The following KIAA1217 variants were observed in gnomAD, a reference collection of about 807,000 sequenced individuals.
The protein encoded by KIAA1217 is KIAA1217.
A neutral mutation model predicts 163.9 loss-of-function variants in KIAA1217; 88 were observed. The ratio of observed to expected loss-of-function variants is 0.54; its 90% CI spans 0.45 to 0.64. KIAA1217 has a LOEUF of 0.64. KIAA1217 is among the 30% of genes least tolerant of loss of function. KIAA1217 has a pLI of 0.00. For missense variants in KIAA1217, 2,372 were observed against 2,475.0 expected (o/e 0.96, Z 0.88); for synonymous variants, 903 against 923.1 (o/e 0.98, Z 0.39).
In KIAA1217 at chr10:24,224,397, T is replaced by C. The variant is rs187845231; in HGVS notation, c.354+4488T>C. Among the ~76,000 whole-genome samples the C allele has an allele frequency of 2.6e-4, 39 of 152,176 alleles. No homozygotes were observed. In the East Asian group the frequency reaches 7.5e-3, roughly 29 times the overall value. On this transcript the variant is annotated intron_variant, in intron 2 of 20. Coordinates refer to ENST00000376454, the MANE Select transcript of KIAA1217 (RefSeq NM_019590.5). ...TTCAGTCACCCAGGCTGGAGTGCAG[T>C]GGTGCAATCTTGGCTCACTGCAACC... is the stretch of plus-strand genomic sequence containing the variant.
intron 1 of KIAA1217, among the ~76,000 whole-genome samples, chr10:23,885,496 A>G (rs1023212130): frequency 6.6e-6 from 1 of 151,936 alleles, no homozygotes; most frequent in Non-Finnish European, 1.5e-5. Context: ...TTCGCCTGGG[A>G]GAGTCTTGGA....
At chr10:24,302,180 G>A (rs899243622) in intron 2 of KIAA1217, among the ~76,000 whole-genome samples, 3 of 152,098 alleles carry the variant, frequency 2.0e-5, no homozygotes, top group East Asian at 1.9e-4. Flanking sequence ...AGTTTATATA[G>A]CATTTTCACT....
chr10:23,717,221 T>A (rs949986043), intron 1 of KIAA1217, among the ~76,000 whole-genome samples: 1 of 152,186 alleles, frequency 6.6e-6, no homozygotes, highest in South Asian at 2.1e-4. Flanking sequence ...TACTTGGTTG[T>A]CCCCTGTGCT....
In KIAA1217 at chr10:23,943,520, A is replaced by G. The variant is rs538044010; in HGVS notation, c.-320-63705A>G. On this transcript the variant is annotated intron_variant, in intron 1 of 18. Transcript: ENST00000376462. ...ACCATGCCCCTGGATTAGAAAGTCA[A>G]TATTCTTAAGATGTCATTTCTCCCA... Among the ~76,000 whole-genome samples the G allele has an allele frequency of 1.1e-4, 17 of 152,372 alleles. No homozygotes were observed. In the East Asian group the frequency reaches 3.1e-3, roughly 28 times the overall value.
intron 1 of KIAA1217, 91 bp downstream of exon 1, chr10:24,209,354 G>C: frequency 3.7e-6 from 3 of 802,428 alleles, no homozygotes; most frequent in Non-Finnish European, 1.8e-6. Flanking sequence ...CTGGGACCCG[G>C]CAAAGGAAAA....
intron 2 of KIAA1217, among the ~76,000 whole-genome samples, chr10:24,261,000 A>T (rs1590316060): frequency 6.6e-6 from 1 of 152,212 alleles, no homozygotes; most frequent in Non-Finnish European, 1.5e-5. Context: ...CCTGTTTACA[A>T]GAGACCCAGT....
intron 2 of KIAA1217, chr10:24,157,874 G>A (rs544221683): frequency 5.1e-6 from 3 of 588,844 alleles, no homozygotes; most frequent in African/African-American, 3.8e-5. Flanking sequence ...GCCTGCATTA[G>A]GATCTGAACC....
intron 2 of KIAA1217, among the ~76,000 whole-genome samples, chr10:24,377,285 T>C (rs12217600): frequency 6.6e-6 from 1 of 152,256 alleles, no homozygotes; most frequent in East Asian, 1.9e-4. Context: ...AGAGGGAGAT[T>C]GGTGTCATGG....
chr10:24,397,803 T>A (rs2056011247), intron 3 of KIAA1217, among the ~76,000 whole-genome samples: 1 of 152,156 alleles, frequency 6.6e-6, no homozygotes, highest in Non-Finnish European at 1.5e-5. Context: ...AGTTATTCCA[T>A]CCTATCCAGT....
At chr10:24,350,755 T>C (rs546428284) in intron 2 of KIAA1217, among the ~76,000 whole-genome samples, 29 of 151,702 alleles carry the variant, frequency 1.9e-4, no homozygotes, top group African/African-American at 6.8e-4. Context: ...AACAGATTGA[T>C]CCTAAACTTC....
chr10:24,073,106 A>C (rs1379633834), intron 2 of KIAA1217, among the ~76,000 whole-genome samples: 2 of 152,076 alleles, frequency 1.3e-5, no homozygotes, highest in East Asian at 3.8e-4. Flanking sequence ...CTAGCTTTTC[A>C]AACATATTAG....
chr10:24,417,695 G>A (rs747907239), intron 3 of KIAA1217, among the ~76,000 whole-genome samples: 18 of 152,136 alleles, frequency 1.2e-4, no homozygotes, highest in South Asian at 8.3e-4. Flanking sequence ...GAAGAGGTGG[G>A]AAGAAGTGGT....
intron 5 of KIAA1217, among the ~76,000 whole-genome samples, chr10:24,460,947 A>G (rs1013925765): frequency 1.3e-5 from 2 of 152,186 alleles, no homozygotes; most frequent in African/African-American, 4.8e-5. Context: ...CTGAGACCAC[A>G]TGAGGCTGTG....
chr10:24,006,075 A>G (rs1248788146), intron 1 of KIAA1217, among the ~76,000 whole-genome samples: 3 of 152,214 alleles, frequency 2.0e-5, no homozygotes, highest in Non-Finnish European at 2.9e-5. Context: ...TTGATGCCCA[A>G]AAGAGCTTGA....
intron 2 of KIAA1217, among the ~76,000 whole-genome samples, chr10:24,313,616 G>A (rs953444563): frequency 7.9e-5 from 12 of 152,092 alleles, no homozygotes; most frequent in African/African-American, 2.7e-4. Context: ...AGAGGGGGAT[G>A]GTTTTAGATA....
At chr10:24,465,128 A>G (rs2062808469) in intron 5 of KIAA1217, among the ~76,000 whole-genome samples, 1 of 152,182 alleles carries the variant, frequency 6.6e-6, no homozygotes, top group Non-Finnish European at 1.5e-5. Flanking sequence ...AATGTATACC[A>G]GATTCATCAG....
At chr10:24,355,550 C>T (rs774889700) in intron 2 of KIAA1217, among the ~76,000 whole-genome samples, 3 of 151,882 alleles carry the variant, frequency 2.0e-5, no homozygotes, top group South Asian at 4.2e-4. Flanking sequence ...GACCAAATCA[C>T]ACCCCAAAGG....
chr10:23,940,631 T>C (rs1027100369), intron 1 of KIAA1217, among the ~76,000 whole-genome samples: 2 of 152,204 alleles, frequency 1.3e-5, no homozygotes, highest in African/African-American at 2.4e-5. Flanking sequence ...AAACAGAATA[T>C]GCATTATTTG....
At chr10:23,806,960 G>A (rs1183213078) in intron 1 of KIAA1217, among the ~76,000 whole-genome samples, 2 of 152,140 alleles carry the variant, frequency 1.3e-5, no homozygotes, top group Non-Finnish European at 2.9e-5. Flanking sequence ...GACTTGTTTG[G>A]GCAGAGTGAA....
Sources: gnomAD v4.1 joint callset for allele counts (sites outside exome capture counted in the v4.1 genomes callset) on GRCh38, gnomAD v4.1.1 for gene constraint, MANE v1.5 for transcripts, NCBI Gene and HGNC (gene_info 2026-07-23, HGNC 2026-07-21) for gene names.